Variants in HSD3B1 observed in about 807,000 individuals in gnomAD.
HSD3B1 encodes 3 beta-hydroxysteroid dehydrogenase/Delta 5-->4-isomerase type 1.
HSD3B1 carries 11 observed loss-of-function variants against 10.4 expected under a neutral mutation model. That is an observed-to-expected ratio of 1.05 (90% confidence interval 0.66 to 1.75). HSD3B1 has a LOEUF of 1.75. Ranked by LOEUF, HSD3B1 falls within the 40% of genes most tolerant of loss-of-function variation. The pLI is 0.00. For synonymous variants in HSD3B1, 217 were observed against 185.4 expected, an observed-to-expected ratio of 1.17 and a Z score of -1.39; for missense variants, 490 against 454.5, an observed-to-expected ratio of 1.08 and a Z score of -0.71.
intron 2 of HSD3B1, among the ~76,000 whole-genome samples, chr1:119,510,508 G>A (rs1653900741): frequency 6.6e-6 from 1 of 151,812 alleles, no homozygotes; most frequent in African/African-American, 2.4e-5. Context: ...ATTCAAACCT[G>A]GTATATCTCT....
intron 3 of HSD3B1, among the ~76,000 whole-genome samples, 154 bp from the exon 4 acceptor site, chr1:119,513,680 G>A (rs1244952112): frequency 2.6e-5 from 4 of 152,064 alleles, no homozygotes; most frequent in Non-Finnish European, 5.9e-5. Context: ...GCTGTAGTAC[G>A]ACCAAATCTC....
intron 3 of HSD3B1, among the ~76,000 whole-genome samples, chr1:119,512,665 T>G (rs1653970886): frequency 6.6e-6 from 1 of 152,096 alleles, no homozygotes. Flanking sequence ...GAGTAACCAG[T>G]TTTAATTACT....
intron 2 of HSD3B1, among the ~76,000 whole-genome samples, chr1:119,508,458 A>T (rs1653850313): frequency 6.6e-6 from 1 of 152,182 alleles, no homozygotes; most frequent in African/African-American, 2.4e-5. Flanking sequence ...TCCTTGTACA[A>T]ATGGCCCCAA....
chr1:119,507,628 A>C lies in HSD3B1; in HGVS notation c.145+7A>C. ...TTGAGAGAGGAATTTTCTAGTAAGT[A>C]AACTTGGGTCATGGGTGTGTGGTTC... is the stretch of plus-strand genomic sequence containing the variant. On this transcript the variant is annotated splice_region_variant and intron_variant, in intron 2 of 3. Coordinates refer to ENST00000369413, the MANE Select transcript of HSD3B1 (RefSeq NM_000862.3). 1 of 1,613,852 alleles carries C rather than the reference A, an allele frequency of 6.2e-7. No individual in the cohort carries two copies. Among genetic ancestry groups the C allele is most frequent in the East Asian group, 2.2e-5 (1 of 44,876 alleles).
In HSD3B1 at chr1:119,514,498, C is replaced by A. The variant is rs1427358045; in HGVS notation, c.975C>A (p.Ser325Arg). ...GCCACATAGTCACATTGTCAAATAG[C>A]GTATTCACCTTCTCTTATAAGAAGG... ...FNRHIVTLSN[S>R]VFTFSYKKAQ... Residue 325 changes from serine (S) to arginine (R), a missense_variant, in exon 4 of 4, where the codon AGC becomes AGA. Ser to Arg is a moderately radical substitution (Grantham distance 110). Coordinates refer to ENST00000369413, the MANE Select transcript of HSD3B1 (RefSeq NM_000862.3). The A allele has an allele frequency of 6.2e-7, 1 of 1,614,014 alleles. No homozygotes were observed. The highest frequency in any genetic ancestry group is 8.5e-7 in the Non-Finnish European group (1 of 1,179,986).
In HSD3B1 at chr1:119,507,554, G is replaced by T. The variant is rs1653822442; in HGVS notation, c.78G>T (p.Glu26Asp). ...GGATCATCCGCCTCTTGGTGAAGGA[G>T]AAGGAGCTGAAGGAGATCAGGGTCT... ...GQRIIRLLVKEKELKEIRVLD... is the reference protein window; with the variant it reads ...GQRIIRLLVKDKELKEIRVLD... Residue 26 changes from glutamate to aspartate, a missense_variant, in exon 2 of 4, where the codon GAG becomes GAT. Coordinates refer to ENST00000369413, the MANE Select transcript of HSD3B1 (RefSeq NM_000862.3). 6.2e-7 allele frequency: 1 copy of T among 1,613,908 alleles called. No individual in the cohort carries two copies. The highest frequency in any genetic ancestry group is 8.5e-7 in the Non-Finnish European group (1 of 1,179,940).
At position 119,514,506 on chromosome 1, in the gene HSD3B1, C is replaced by T. The variant is rs145483055; in HGVS notation, c.983C>T (p.Thr328Ile). ...HIVTLSNSVF[T>I]FSYKKAQRDL... ...GTCACATTGTCAAATAGCGTATTCACCTTCTCTTATAAGAAGGCTCAGCGA... is the reference window on the plus strand; with the variant it reads ...GTCACATTGTCAAATAGCGTATTCATCTTCTCTTATAAGAAGGCTCAGCGA... The change falls in exon 4 of 4, where the codon ACC becomes ATC. Residue 328 changes from threonine (T) to isoleucine (I), a missense_variant. Transcript: ENST00000369413. 4 of 1,613,946 alleles carry T rather than the reference C, an allele frequency of 2.5e-6. No individual in the cohort carries two copies. Among genetic ancestry groups the T allele is most frequent in the African/African-American group, 1.3e-5 (1 of 74,882 alleles).
In HSD3B1 at chr1:119,514,065, A is replaced by G. The variant is rs1654026847; in HGVS notation, c.542A>G (p.Tyr181Cys). ...GWNLKNGGTL[Y>C]TCALRPMYIY... Reference sequence around the variant, plus strand: ...AATCTGAAAAACGGCGGCACCCTGTACACTTGTGCCTTACGACCCATGTAT... The same window carrying G: ...AATCTGAAAAACGGCGGCACCCTGTGCACTTGTGCCTTACGACCCATGTAT... The change falls in exon 4 of 4, where the codon TAC becomes TGC. Residue 181 changes from tyrosine to cysteine, a missense_variant. Physicochemically the swap from Tyr to Cys is radical, Grantham distance 194 (BLOSUM62 -2). Transcript: ENST00000369413. 1.2e-6 allele frequency: 2 copies of G among 1,614,104 alleles called. No homozygotes were observed. The highest frequency in any genetic ancestry group is 1.7e-6 in the Non-Finnish European group (2 of 1,180,008).
chr1:119,510,717 CTTTTTTTTTTTTTTTTTTTTT>C (rs962978657), intron 2 of HSD3B1, among the ~76,000 whole-genome samples: 1,762 of 54,222 alleles, frequency 0.032, 90 homozygotes, highest in African/African-American at 0.11. Flanking sequence ...GTGTGGTTTT[CTTTTTTTTTTTTTTTTTTTTT>C]TTTTTTTTTT....
At position 119,511,611 on chromosome 1, in the gene HSD3B1, T is replaced by A; in HGVS notation, c.254T>A (p.Ile85Asn). 6.2e-7 allele frequency: 1 copy of A among 1,613,754 alleles called. No homozygotes were observed. Among genetic ancestry groups the A allele is most frequent in the South Asian group, 1.1e-5 (1 of 91,066 alleles). The change falls in exon 3 of 4, where the codon ATC becomes AAC. Residue 85 changes from isoleucine to asparagine, a missense_variant. Physicochemically the swap from Ile to Asn is moderately radical, Grantham distance 149. Transcript: ENST00000369413. ...DVSVIIHTACIIDVFGVTHRE... is the reference protein window; with the variant it reads ...DVSVIIHTACNIDVFGVTHRE... ...TCGGTCATCATCCACACCGCCTGTA[T>A]CATTGATGTCTTCGGTGTCACTCAC...
At chr1:119,508,160 G>A (rs11581228) in intron 2 of HSD3B1, 4 of 155,318 alleles carry the variant, frequency 2.6e-5, no homozygotes, top group Non-Finnish European at 5.7e-5. Context: ...CAATAAGGGG[G>A]AGAGAGAGTC....
In HSD3B1 at chr1:119,514,734, G is replaced by C. The variant is rs1276939069; in HGVS notation, c.*89G>C. On this transcript the variant is annotated 3_prime_UTR_variant, in exon 4 of 4. Coordinates refer to ENST00000369413, the MANE Select transcript of HSD3B1 (RefSeq NM_000862.3). ...TGGCCTCATACAGAAAGTGACAAGG[G>C]CACAAGCTCAGGTCCTGCTGCCTCC... The C allele has an allele frequency of 2.1e-6, 3 of 1,445,186 alleles. No individual in the cohort carries two copies. In the African/African-American group the frequency reaches 4.2e-5, roughly 20 times the overall value. The allele number at this position is 1,445,186 out of a possible 1,614,324, so 89.5% of individuals were successfully genotyped here. A position where few individuals can be genotyped will look rare whatever the true frequency, so the allele number is the denominator to read the frequency against.
At chr1:119,511,158 AC>A (rs913526891) in intron 2 of HSD3B1, among the ~76,000 whole-genome samples, 22 of 152,120 alleles carry the variant, frequency 1.4e-4, no homozygotes, top group Admixed American at 3.9e-4. Context: ...TTAACTTCAA[AC>A]TTTTCCCTCA....
chr1:119,512,106 G>C (rs1653953165), intron 3 of HSD3B1, among the ~76,000 whole-genome samples: 1 of 152,192 alleles, frequency 6.6e-6, no homozygotes, highest in African/African-American at 2.4e-5. Flanking sequence ...AACCTTGTGT[G>C]TAGGCTGATG....
chr1:119,513,932 A>G lies in HSD3B1; in HGVS notation c.409A>G (p.Ile137Val). The change falls in exon 4 of 4, where the codon ATC (isoleucine) becomes GTC (valine). Residue 137 changes from isoleucine to valine, a missense_variant. By Grantham distance (29) the Ile-to-Val change is conservative. Transcript: ENST00000369413. ...AGCCGGGCCCAACTCCTACAAGGAA[A>G]TCATCCAGAATGGCCATGAAGAAGA... ...EVAGPNSYKE[I>V]IQNGHEEEPL... The G allele has an allele frequency of 6.2e-7, 1 of 1,614,080 alleles. No individual in the cohort carries two copies. Among genetic ancestry groups the G allele is most frequent in the Non-Finnish European group, 8.5e-7 (1 of 1,179,998 alleles).
At position 119,512,328 on chromosome 1, in the gene HSD3B1, C is replaced by T. The variant is rs994174881; in HGVS notation, c.310+661C>T. Among the ~76,000 whole-genome samples, 4 of 152,166 alleles carry T rather than the reference C, an allele frequency of 2.6e-5. No individual in the cohort carries two copies. The South Asian group carries it at 8.3e-4, about 32-fold the overall frequency. On this transcript the variant is annotated intron_variant, in intron 3 of 3. Transcript: ENST00000369413. Reference sequence around the variant, plus strand: ...TCCAGAGCCGTTTTCAGCCAGGTGCCCAAAGTGCACCCTCATTTAATCTTC... The same window carrying T: ...TCCAGAGCCGTTTTCAGCCAGGTGCTCAAAGTGCACCCTCATTTAATCTTC...
chr1:119,507,728 A>T, intron 2 of HSD3B1, 107 bp downstream of exon 2: 1 of 1,152,198 alleles, frequency 8.7e-7, no homozygotes, highest in Admixed American at 1.7e-5. Context: ...AGCCAAATCT[A>T]AGCCAATCTC....
At chr1:119,513,771 T>A in intron 3 of HSD3B1, 63 bp from the exon 4 acceptor site, 1 of 1,489,958 alleles carries the variant, frequency 6.7e-7, no homozygotes, top group Non-Finnish European at 9.3e-7. Context: ...CATAGATCTG[T>A]GTTCGTGGTT....
rs759813185 is a variant in HSD3B1 at position 119,513,838 on chromosome 1, C to A, written c.315C>A (p.Thr105=). The A allele has an allele frequency of 6.2e-7, 1 of 1,613,458 alleles. No individual in the cohort carries two copies. The highest frequency in any genetic ancestry group is 8.5e-7 in the Non-Finnish European group (1 of 1,179,620). ...CAATATGCTCTTCATGGACAGGTAC[C>A]CAGCTCCTGTTAGAGGCCTGTGTCC... ...ESIMNVNVKG[T]QLLLEACVQA... The change falls in exon 4 of 4, where the codon ACC becomes ACA. Residue 105 remains threonine (T), a synonymous_variant. Transcript: ENST00000369413.
Sources: gnomAD v4.1 joint callset for allele counts (sites outside exome capture counted in the v4.1 genomes callset) on GRCh38, gnomAD v4.1.1 for gene constraint, MANE v1.5 for transcripts, NCBI Gene and HGNC (gene_info 2026-07-23, HGNC 2026-07-21) for gene names.